ABHD10: variants seen among roughly 807,000 people sequenced by gnomAD.
ABHD10 encodes abhydrolase domain containing 10, depalmitoylase, also known as palmitoyl-protein thioesterase ABHD10, mitochondrial.
Under a neutral mutation model 33.1 loss-of-function variants are expected in ABHD10, and 22 were observed. The observed-to-expected ratio is 0.66, with a 90% CI of 0.47 to 0.95. ABHD10 has a LOEUF of 0.95. ABHD10 is among the 40% of genes least tolerant of loss of function. The pLI, the probability that ABHD10 is intolerant of heterozygous loss-of-function variation, is 0.00. For missense variants in ABHD10, 352 were observed against 379.9 expected (o/e 0.93, Z 0.61); for synonymous variants, 146 against 133.9 (o/e 1.09, Z -0.62).
chr3:111,982,693 A>G (rs2072602010), intron 2 of ABHD10, among the ~76,000 whole-genome samples: 1 of 152,138 alleles, frequency 6.6e-6, no homozygotes, highest in African/African-American at 2.4e-5. Context: ...GTTTGTCATC[A>G]AAAGAAGGAG....
At chr3:111,980,168 C>T (rs2072564011) in intron 1 of ABHD10, among the ~76,000 whole-genome samples, 1 of 152,068 alleles carries the variant, frequency 6.6e-6, no homozygotes, top group Admixed American at 6.6e-5. Context: ...AAATTATAAT[C>T]ATCTCGGGGA....
In ABHD10 at chr3:111,986,985, G is replaced by A. The variant is rs1167590413; in HGVS notation, c.510G>A (p.Val170=). The A allele has an allele frequency of 1.9e-6, 3 of 1,613,434 alleles. No homozygotes were observed. In the South Asian group the frequency reaches 3.3e-5, roughly 18 times the overall value. ...CAATTGCACGACCAGAGAAGGTCGT[G>A]GCTCTTATTGGTGTAGCTACAGCTG... The part of the protein sequence containing the change: ...HAAIARPEKV[V]ALIGVATAAD... The change falls in exon 4 of 5, where the codon GTG becomes GTA. Residue 170 remains valine (V), a synonymous_variant. Coordinates refer to ENST00000273359, the MANE Select transcript of ABHD10 (RefSeq NM_018394.4).
intron 2 of ABHD10, among the ~76,000 whole-genome samples, chr3:111,984,882 G>A (rs984276860): frequency 1.5e-4 from 23 of 152,184 alleles, no homozygotes; most frequent in Non-Finnish European, 3.1e-4. Context: ...AACATAAGAA[G>A]AAATGAGAAA....
intron 4 of ABHD10, 73 bp from the exon 5 acceptor site, chr3:111,991,304 A>G (rs371970865): frequency 3.2e-5 from 41 of 1,266,618 alleles, no homozygotes; most frequent in Non-Finnish European, 3.9e-5. Context: ...TCATTAGATT[A>G]CTTAAAACTA....
intron 2 of ABHD10, among the ~76,000 whole-genome samples, chr3:111,982,889 A>G (rs2072603564): frequency 6.6e-6 from 1 of 152,180 alleles, no homozygotes; most frequent in South Asian, 2.1e-4. Context: ...ATAAAATTAA[A>G]TAAGATTTAA....
At chr3:111,983,942 G>C (rs2072619849) in intron 2 of ABHD10, among the ~76,000 whole-genome samples, 1 of 152,062 alleles carries the variant, frequency 6.6e-6, no homozygotes, top group East Asian at 1.9e-4. Flanking sequence ...TCTCTGGATT[G>C]GGGTTCAGTG....
In ABHD10 at chr3:111,992,345, G is replaced by A. The variant is rs2072751705; in HGVS notation, c.*624G>A. On this transcript the variant is annotated 3_prime_UTR_variant, in exon 5 of 5. Transcript: ENST00000273359. ...ATACAAGGAGCTATTTCTAAAATTT[G>A]GCTTATGTATAATATATTTAAATGG... 1 of 150,306 alleles carries A rather than the reference G, an allele frequency of 6.7e-6. No homozygotes were observed. The highest frequency in any genetic ancestry group is 2.1e-4 in the South Asian group (1 of 4,774). The allele number at this position is 150,306 out of a possible 1,614,324, so 9.3% of individuals were successfully genotyped here.
intron 1 of ABHD10, 118 bp from the exon 2 acceptor site, chr3:111,981,666 A>G (rs1285514540): frequency 4.3e-6 from 4 of 923,840 alleles, no homozygotes; most frequent in Non-Finnish European, 6.2e-6. Context: ...TTTCTATTAA[A>G]TGGAAATAGT....
In ABHD10 at chr3:111,981,822, C is replaced by T. The variant is rs2072588901; in HGVS notation, c.181C>T (p.Pro61Ser). The part of the protein sequence containing the change: ...QKTSLSFLNR[P>S]DLPNLAYKKL... ...GACGTCACTCTCATTCCTTAATCGACCAGACCTTCCAAACCTGGCTTATAA... is the reference window on the plus strand; with the variant it reads ...GACGTCACTCTCATTCCTTAATCGATCAGACCTTCCAAACCTGGCTTATAA... Residue 61 changes from proline (P) to serine (S), a missense_variant, in exon 2 of 5, where the codon CCA (proline) becomes TCA (serine). Transcript: ENST00000273359. The T allele has an allele frequency of 1.3e-6, 2 of 1,595,930 alleles. No individual in the cohort carries two copies. Among genetic ancestry groups the T allele is most frequent in the African/African-American group, 1.3e-5 (1 of 74,786 alleles).
intron 2 of ABHD10, among the ~76,000 whole-genome samples, chr3:111,983,160 A>C (rs2072607408): frequency 6.6e-6 from 1 of 152,170 alleles, no homozygotes; most frequent in African/African-American, 2.4e-5. Context: ...ATTGTGTCAA[A>C]AGAACAGTAT....
Position 111,991,423 on chromosome 3 carries a change from A to C in ABHD10, c.623A>C (p.Lys208Thr), listed in dbSNP as rs751933291. The change falls in exon 5 of 5, where the codon AAA becomes ACA. Residue 208 changes from lysine to threonine, a missense_variant. Transcript: ENST00000273359. ...EMKGVWSMPS[K>T]YSEEGVYNVQ... ...AAAGGTGTGTGGAGCATGCCATCAA[A>C]ATACTCTGAAGAAGGAGTTTATAAC... is the stretch of plus-strand genomic sequence containing the variant. 2 of 1,613,444 alleles carry C rather than the reference A, an allele frequency of 1.2e-6. No individual in the cohort carries two copies. The highest frequency in any genetic ancestry group is 2.2e-5 in the South Asian group (2 of 90,914).
chr3:111,990,208 A>G (rs929238178), intron 4 of ABHD10, among the ~76,000 whole-genome samples: 2 of 152,076 alleles, frequency 1.3e-5, no homozygotes, highest in African/African-American at 4.8e-5. Flanking sequence ...ATACCACAGT[A>G]TGAGATGGTC....
chr3:111,979,619 GTTC>G (rs1237686515), intron 1 of ABHD10, among the ~76,000 whole-genome samples: 1 of 152,226 alleles, frequency 6.6e-6, no homozygotes, highest in Non-Finnish European at 1.5e-5. Context: ...TGCGAGGCAT[GTTC>G]TTTGTAAAAG....
intron 4 of ABHD10, 75 bp from the exon 5 acceptor site, chr3:111,991,302 T>A: frequency 8.0e-7 from 1 of 1,254,444 alleles, no homozygotes; most frequent in Admixed American, 2.6e-5. Context: ...TTTCATTAGA[T>A]TACTTAAAAC....
chr3:111,982,204 T>C, intron 2 of ABHD10: 1 of 338,232 alleles, frequency 3.0e-6, no homozygotes, highest in Non-Finnish European at 5.3e-6. Context: ...AGGGAAATAT[T>C]GGTAACTAAG....
At chr3:111,987,081 A>G (rs1243352442) in intron 4 of ABHD10, 30 bp downstream of exon 4, 5 of 1,607,148 alleles carry the variant, frequency 3.1e-6, no homozygotes, top group Admixed American at 1.7e-5. Context: ...TGCCACCTCA[A>G]TATATTTACC....
rs1184517702 is a variant in ABHD10 at position 111,984,779 on chromosome 3, A to G, written c.327-1485A>G. Among the ~76,000 whole-genome samples, 3 of 152,214 alleles carry G rather than the reference A, an allele frequency of 2.0e-5. No homozygotes were observed. The East Asian group carries it at 5.8e-4, about 29-fold the overall frequency. ...TTAAAGACAGAGTCATAGAGACACAAGATAGAAGGCTACTGTGATAGTCTA... is the reference window on the plus strand; with the variant it reads ...TTAAAGACAGAGTCATAGAGACACAGGATAGAAGGCTACTGTGATAGTCTA... On this transcript the variant is annotated intron_variant, in intron 2 of 4. Transcript: ENST00000273359.
At chr3:111,982,114 A>G in intron 2 of ABHD10, 147 bp downstream of exon 2, 1 of 697,350 alleles carries the variant, frequency 1.4e-6, no homozygotes, top group Non-Finnish European at 2.0e-6. Context: ...ATTTAGGGTA[A>G]TTTTAAAAGC....
chr3:111,986,060 C>G (rs184966987), intron 2 of ABHD10, among the ~76,000 whole-genome samples: 182 of 152,176 alleles, frequency 1.2e-3, no homozygotes, highest in South Asian at 2.9e-3. Context: ...TAGCAACAGG[C>G]TGGTAGCAGT....
Sources: allele counts gnomAD v4.1 joint callset (sites outside exome capture counted in the v4.1 genomes callset), GRCh38; gene constraint gnomAD v4.1.1; transcripts MANE v1.5; gene names NCBI Gene and HGNC (gene_info 2026-07-23, HGNC 2026-07-21).